KDM4B: variants seen among roughly 807,000 people sequenced by gnomAD.
The protein encoded by KDM4B is lysine demethylase 4B.
In KDM4B, 32 loss-of-function variants were observed where a neutral mutation model predicts 125.2. That is an observed-to-expected ratio of 0.26 (90% CI 0.19 to 0.34). KDM4B has a LOEUF of 0.34. KDM4B is among the 10% of genes least tolerant of loss of function. KDM4B has a pLI of 1.00. For synonymous variants in KDM4B, 721 were observed against 677.9 expected, an observed-to-expected ratio of 1.06 and a Z score of -0.99; for missense variants, 1,190 against 1,577.7, an observed-to-expected ratio of 0.75 and a Z score of 4.16.
rs780853869 is a variant in KDM4B, at chr19:5,082,353, C to A, written c.781-14C>A. 35 of 1,613,310 alleles carry A rather than the reference C, an allele frequency of 2.2e-5. No homozygotes were observed. In the South Asian group the frequency reaches 3.5e-4, roughly 16 times the overall value. Reference sequence around the variant, plus strand: ...TGGTGGCCCTGCCCTCACCTGTCTCCTTTCCCTCTGCAGATCACGCAGGAG... The same window carrying A: ...TGGTGGCCCTGCCCTCACCTGTCTCATTTCCCTCTGCAGATCACGCAGGAG... On this transcript the variant is annotated splice_polypyrimidine_tract_variant and intron_variant, in intron 8 of 22. Coordinates refer to ENST00000159111, the MANE Select transcript of KDM4B (RefSeq NM_015015.3). This position sits in a 1 kb window ranked among gnomAD's most constrained non-coding sequence, Gnocchi z 5.4.
At chr19:4,975,430 C>T (rs2034411397) in intron 1 of KDM4B, among the ~76,000 whole-genome samples, 1 of 151,866 alleles carries the variant, frequency 6.6e-6, no homozygotes, top group Admixed American at 6.6e-5. Context: ...AGGTGGCGGG[C>T]AGGATTGAAC....
intron 1 of KDM4B, among the ~76,000 whole-genome samples, chr19:4,982,801 CAG>C (rs1368427814): frequency 1.3e-5 from 2 of 152,088 alleles, no homozygotes; most frequent in African/African-American, 4.8e-5. Context: ...TTAGTAGAGA[CAG>C]AGTTTCACTG....
At chr19:5,151,094 C>G (rs916475541) in intron 22 of KDM4B, among the ~76,000 whole-genome samples, 1 of 152,212 alleles carries the variant, frequency 6.6e-6, no homozygotes, top group Non-Finnish European at 1.5e-5. Flanking sequence ...GCCAGATGGA[C>G]GGTCCCAGCC....
intron 6 of KDM4B, among the ~76,000 whole-genome samples, chr19:5,056,177 TG>T (rs1482190112): frequency 6.6e-6 from 1 of 152,188 alleles, no homozygotes; most frequent in African/African-American, 2.4e-5. Flanking sequence ...GTGGTTAGAT[TG>T]GGGTGATGGG....
chr19:5,045,564 T>C (rs1177078909), intron 5 of KDM4B, among the ~76,000 whole-genome samples: 1 of 150,572 alleles, frequency 6.6e-6, no homozygotes, highest in Non-Finnish European at 1.5e-5. Context: ...CTAATTTTCT[T>C]TCTTTTTTTT....
chr19:5,087,192 CAAG>C (rs1014945209), intron 9 of KDM4B, among the ~76,000 whole-genome samples: 19 of 152,378 alleles, frequency 1.2e-4, no homozygotes, highest in Middle Eastern at 3.4e-3. Context: ...AGGCCATTGT[CAAG>C]GAGGGGGTGG....
At chr19:5,058,877 C>T (rs191186816) in intron 6 of KDM4B, among the ~76,000 whole-genome samples, 50 of 152,340 alleles carry the variant, frequency 3.3e-4, no homozygotes, top group African/African-American at 1.0e-3. Flanking sequence ...GCATGCCAGG[C>T]GAGTCACCGG....
At chr19:5,131,639 G>A in intron 12 of KDM4B, 94 bp downstream of exon 12, 3 of 626,782 alleles carry the variant, frequency 4.8e-6, no homozygotes. Flanking sequence ...CTGGTGGCGG[G>A]GGAGGGGGCA....
chr19:4,999,955 AC>A (rs1366560436), intron 1 of KDM4B, among the ~76,000 whole-genome samples: 3 of 119,918 alleles, frequency 2.5e-5, no homozygotes, highest in African/African-American at 1.0e-4. Flanking sequence ...CCATCCATCC[AC>A]CCATTTACTC....
intron 9 of KDM4B, among the ~76,000 whole-genome samples, chr19:5,089,283 G>A (rs986616683): frequency 1.3e-5 from 2 of 152,204 alleles, no homozygotes; most frequent in Non-Finnish European, 2.9e-5. Flanking sequence ...TTTCTGGAAG[G>A]CCGTCTGCCA....
intron 2 of KDM4B, among the ~76,000 whole-genome samples, chr19:5,020,132 G>A (rs942290702): frequency 2.1e-4 from 22 of 102,616 alleles, no homozygotes; most frequent in African/African-American, 6.7e-4. Flanking sequence ...TGCAGGTGTT[G>A]GTGTGGATGT....
chr19:4,995,022 G>T (rs1286151937), intron 1 of KDM4B, among the ~76,000 whole-genome samples: 3 of 152,158 alleles, frequency 2.0e-5, no homozygotes. Flanking sequence ...GGGTTTTCAA[G>T]GATGCTGATG....
At chr19:5,018,999 C>T (rs1029507334) in intron 2 of KDM4B, among the ~76,000 whole-genome samples, 2 of 152,030 alleles carry the variant, frequency 1.3e-5, no homozygotes, top group Non-Finnish European at 2.9e-5. Flanking sequence ...TATTGGGAGT[C>T]GTGCTGCTGT....
intron 1 of KDM4B, among the ~76,000 whole-genome samples, chr19:5,008,907 T>C (rs1212098509): frequency 7.5e-5 from 2 of 26,700 alleles, no homozygotes; most frequent in Non-Finnish European, 1.0e-4. Context: ...GGCCCCTGCC[T>C]TTTTTTTTTT....
intron 6 of KDM4B, among the ~76,000 whole-genome samples, chr19:5,062,516 A>G (rs775623224): frequency 1.7e-4 from 26 of 152,354 alleles, no homozygotes; most frequent in Non-Finnish European, 3.4e-4. Context: ...ACAGCAGGCA[A>G]GTGCACTACC....
intron 9 of KDM4B, among the ~76,000 whole-genome samples, chr19:5,095,205 A>G (rs1245893074): frequency 2.6e-5 from 4 of 152,076 alleles, no homozygotes; most frequent in Admixed American, 6.5e-5. Context: ...ATTGTCCTCA[A>G]TGTTCCGCCC....
At chr19:5,018,625 C>T (rs542368166) in intron 2 of KDM4B, among the ~76,000 whole-genome samples, 20 of 152,298 alleles carry the variant, frequency 1.3e-4, no homozygotes, top group African/African-American at 4.8e-4. Context: ...GTTTGGAGGT[C>T]GTTGGTGCAC....
At chr19:5,051,578 C>A (rs888890265) in intron 6 of KDM4B, among the ~76,000 whole-genome samples, 4 of 152,232 alleles carry the variant, frequency 2.6e-5, no homozygotes, top group Non-Finnish European at 4.4e-5. Flanking sequence ...TGCACTGGCT[C>A]CAAGGCGGCG....
At chr19:5,064,273 G>C (rs949750418) in intron 6 of KDM4B, among the ~76,000 whole-genome samples, 4 of 152,220 alleles carry the variant, frequency 2.6e-5, no homozygotes, top group South Asian at 2.1e-4. Context: ...CCAGCGTGAC[G>C]TGCACGGGCT....
Sources: allele counts gnomAD v4.1 joint callset (sites outside exome capture counted in the v4.1 genomes callset), GRCh38; gene constraint gnomAD v4.1.1; non-coding constraint Gnocchi (gnomAD v3.1); transcripts MANE v1.5; gene names NCBI Gene and HGNC (gene_info 2026-07-23, HGNC 2026-07-21).